Variants in CRHR2 observed in about 807,000 individuals in gnomAD.
CRHR2 encodes corticotropin-releasing hormone receptor 2.
In CRHR2, 53 loss-of-function variants were observed where a neutral mutation model predicts 57.9. That is an observed-to-expected ratio of 0.92 (90% CI 0.73 to 1.15). The LOEUF (loss-of-function observed/expected upper bound fraction) is 1.15, where lower values mean the gene tolerates loss of function less well. CRHR2 is among the 50% of genes most tolerant of loss of function. CRHR2 has a pLI of 0.00. For missense variants in CRHR2, 532 were observed against 542.6 expected, an observed-to-expected ratio of 0.98 and a Z score of 0.19; for synonymous variants, 213 against 220.9, an observed-to-expected ratio of 0.96 and a Z score of 0.32.
intron 3 of CRHR2, among the ~76,000 whole-genome samples, chr7:30,666,769 C>T (rs569393619): frequency 6.6e-5 from 10 of 152,320 alleles, no homozygotes; most frequent in Non-Finnish European, 1.0e-4. Flanking sequence ...AATTCCAGAG[C>T]GAGAGCTGGA....
intron 2 of CRHR2, among the ~76,000 whole-genome samples, chr7:30,676,074 G>T (rs1300815139): frequency 6.6e-6 from 1 of 152,196 alleles, no homozygotes; most frequent in African/African-American, 2.4e-5. Context: ...AGGCCTATCA[G>T]GGCCCAGACT....
chr7:30,662,642 C>T (rs984070994), intron 6 of CRHR2, 52 bp downstream of exon 6: 12 of 1,586,086 alleles, frequency 7.6e-6, no homozygotes, highest in Non-Finnish European at 8.6e-6. Flanking sequence ...GGGAAATGGC[C>T]TGGTGAGAAG....
At chr7:30,654,318 C>T (rs1584075501) in intron 11 of CRHR2, among the ~76,000 whole-genome samples, 2 of 152,224 alleles carry the variant, frequency 1.3e-5, no homozygotes, top group South Asian at 4.1e-4. Context: ...TCTCATCCAG[C>T]CCACAGGACC....
chr7:30,698,162 C>G (rs1431434385), intron 1 of CRHR2: 1 of 152,330 alleles, frequency 6.6e-6, no homozygotes, highest in Admixed American at 6.5e-5. Flanking sequence ...GAGAGGAAGG[C>G]TGGGCTTTGG....
At chr7:30,692,455 T>C (rs1222827084) in intron 1 of CRHR2, among the ~76,000 whole-genome samples, 2 of 152,134 alleles carry the variant, frequency 1.3e-5, no homozygotes, top group African/African-American at 4.8e-5. Context: ...TGAATGCTCA[T>C]TGAGGAAACC....
intron 2 of CRHR2, among the ~76,000 whole-genome samples, chr7:30,674,771 A>G (rs1784464553): frequency 1.3e-5 from 2 of 152,046 alleles, no homozygotes; most frequent in Non-Finnish European, 2.9e-5. Flanking sequence ...TCTCAGAGAT[A>G]GCAGGAGACC....
intron 1 of CRHR2, among the ~76,000 whole-genome samples, chr7:30,689,803 A>G (rs1784925606): frequency 6.6e-6 from 1 of 152,242 alleles, no homozygotes; most frequent in Non-Finnish European, 1.5e-5. Flanking sequence ...TTTCCCTGTC[A>G]CACAGGTAAG....
chr7:30,664,608 T>G (rs997142464), intron 5 of CRHR2, among the ~76,000 whole-genome samples: 1 of 152,096 alleles, frequency 6.6e-6, no homozygotes, highest in Non-Finnish European at 1.5e-5. Flanking sequence ...GCTCCCAGCC[T>G]GGCAGCTTCC....
chr7:30,662,769 A>G lies in CRHR2; in HGVS notation c.622T>C (p.Tyr208His). Residue 208 changes from tyrosine (Y) to histidine (H), a missense_variant, in exon 6 of 12, where the codon TAC becomes CAC. Coordinates refer to ENST00000471646, the MANE Select transcript of CRHR2 (RefSeq NM_001883.5). ...NFFWMFVEGC[Y>H]LHTAIVMTYS... is the part of the protein sequence containing the mutation. Reference sequence around the variant, plus strand: ...GTCATGACAATGGCCGTGTGCAGGTAGCAGCCTTCCACAAACATCCAGAAG... The same window carrying G: ...GTCATGACAATGGCCGTGTGCAGGTGGCAGCCTTCCACAAACATCCAGAAG... 6.2e-7 allele frequency: 1 copy of G among 1,614,248 alleles called. No individual in the cohort carries two copies. Among genetic ancestry groups the G allele is most frequent in the Non-Finnish European group, 8.5e-7 (1 of 1,180,050 alleles).
chr7:30,668,296 C>T (rs1784248825), intron 2 of CRHR2, among the ~76,000 whole-genome samples: 1 of 152,040 alleles, frequency 6.6e-6, no homozygotes, highest in African/African-American at 2.4e-5. Context: ...AGGAGGAAGC[C>T]CTCCCACCTG....
intron 8 of CRHR2, among the ~76,000 whole-genome samples, chr7:30,658,129 C>A (rs914153323): frequency 3.3e-5 from 5 of 152,158 alleles, no homozygotes; most frequent in Admixed American, 6.5e-5. Context: ...CCAGCCTCCC[C>A]CTTCACACCA....
At chr7:30,686,298 C>A, upstream of CRHR2, 3 of 1,391,526 alleles carry the variant, frequency 2.2e-6, no homozygotes, top group Non-Finnish European at 2.8e-6. Context: ...TCCCCAAGGG[C>A]AGGGCTGGTC....
intron 2 of CRHR2, among the ~76,000 whole-genome samples, chr7:30,669,501 G>A (rs1784291732): frequency 6.6e-6 from 1 of 152,158 alleles, no homozygotes; most frequent in South Asian, 2.1e-4. Context: ...TAGAAATGCT[G>A]CAAATCAGAG....
At chr7:30,660,393 G>A (rs1356829331) in intron 8 of CRHR2, among the ~76,000 whole-genome samples, 180 bp downstream of exon 8, 4 of 152,246 alleles carry the variant, frequency 2.6e-5, no homozygotes, top group Non-Finnish European at 4.4e-5. Context: ...CATCGAGCAT[G>A]AGGAAGGGAA....
intron 2 of CRHR2, among the ~76,000 whole-genome samples, chr7:30,671,877 A>AGAG (rs1237510216): frequency 2.1e-4 from 27 of 127,630 alleles, no homozygotes; most frequent in African/African-American, 1.1e-3. Context: ...AGGAGGATGA[A>AGAG]GAGGAGGAGG....
chr7:30,694,484 C>G (rs1029256739), intron 1 of CRHR2, among the ~76,000 whole-genome samples: 1 of 152,210 alleles, frequency 6.6e-6, no homozygotes, highest in African/African-American at 2.4e-5. Context: ...CTGGCCCAGT[C>G]TAGTGTTCCC....
chr7:30,699,952 G>A (rs923750310), exon 1 of CRHR2: 15 of 1,504,300 alleles, frequency 1.0e-5, no homozygotes, highest in Non-Finnish European at 1.2e-5. Context: ...ACGTATTGGA[G>A]CGGCGGTGGG....
intron 2 of CRHR2, among the ~76,000 whole-genome samples, chr7:30,672,298 C>T (rs1784387315): frequency 6.6e-6 from 1 of 152,254 alleles, no homozygotes; most frequent in African/African-American, 2.4e-5. Flanking sequence ...TCACTGACCC[C>T]TATAAAGGTG....
rs1783656187 is a variant in CRHR2, at chr7:30,653,385, C to G, written c.*75G>C. ...CCTCCCATCTCCTGCCCCACGAGAG[C>G]CTGCCCAGCACAGAGAACCCAGAGG... On this transcript the variant is annotated 3_prime_UTR_variant, in exon 12 of 12. Coordinates refer to ENST00000471646, the MANE Select transcript of CRHR2 (RefSeq NM_001883.5). This position sits in a 1 kb window ranked among gnomAD's most constrained non-coding sequence, Gnocchi z 5.0. 13 of 1,553,714 alleles carry G rather than the reference C, an allele frequency of 8.4e-6. No homozygotes were observed. Among genetic ancestry groups the G allele is most frequent in the Non-Finnish European group, 1.1e-5 (13 of 1,149,942 alleles).
Sources: gnomAD v4.1 joint callset for allele counts (sites outside exome capture counted in the v4.1 genomes callset) on GRCh38, gnomAD v4.1.1 for gene constraint, Gnocchi (gnomAD v3.1) non-coding constraint, MANE v1.5 for transcripts, NCBI Gene and HGNC (gene_info 2026-07-23, HGNC 2026-07-21) for gene names.